Variants in RGL3 observed in about 807,000 individuals in gnomAD.
The protein encoded by RGL3 is ral guanine nucleotide dissociation stimulator like 3.
In RGL3, 85 loss-of-function variants were observed where a neutral mutation model predicts 90.6. That is an observed-to-expected ratio of 0.94 (90% CI 0.79 to 1.12). The LOEUF (loss-of-function observed/expected upper bound fraction) is 1.12. Among genes scored for constraint, RGL3 ranks in the 50% most tolerant of loss-of-function variants. RGL3 has a pLI of 0.00. For missense variants in RGL3, 1,034 were observed against 939.2 expected (o/e 1.10, Z -1.32); for synonymous variants, 408 against 385.5 (o/e 1.06, Z -0.68).
rs1221077250 is a variant in RGL3 at position 11,402,311 on chromosome 19, G to A, written c.1330-64C>T. 1.9e-6 allele frequency: 3 copies of A among 1,609,248 alleles called. No individual in the cohort carries two copies. The East Asian group carries it at 6.7e-5, about 36-fold the overall frequency. Reference sequence around the variant, plus strand: ...CAAGGGTCAAGGGTCAAGGTCAGGGGCTGGGATGTCAGGAGCCCCACTGTA... The same window carrying A: ...CAAGGGTCAAGGGTCAAGGTCAGGGACTGGGATGTCAGGAGCCCCACTGTA... On this transcript the variant is annotated intron_variant, in intron 11 of 18. Coordinates refer to ENST00000380456, the MANE Select transcript of RGL3 (RefSeq NM_001035223.4).
chr19:11,416,129 C>G lies in RGL3; in HGVS notation c.445G>C (p.Gly149Arg), dbSNP rs778079648. The change falls in exon 5 of 19, where the codon GGC becomes CGC. Residue 149 changes from glycine to arginine, a missense_variant. Transcript: ENST00000380456. ...KNLRAVVSVL[G>R]SWLQDHPQDF... ...TGAGGGTGGTCCTGCAGCCAGGAGC[C>G]CAGCACTGACACCACAGCCCTGGCC... 6.3e-7 allele frequency: 1 copy of G among 1,580,414 alleles called. No homozygotes were observed. Among genetic ancestry groups the G allele is most frequent in the Non-Finnish European group, 8.6e-7 (1 of 1,164,800 alleles).
At chr19:11,394,794 AG>A (rs1968536183) in intron 18 of RGL3, 6 of 367,814 alleles carry the variant, frequency 1.6e-5, no homozygotes, top group Non-Finnish European at 3.1e-5. Flanking sequence ...CTGCAGTAAA[AG>A]TTTGAGCAAA....
chr19:11,396,894 C>T (rs366720), intron 18 of RGL3, among the ~76,000 whole-genome samples: 33,801 of 151,454 alleles, frequency 0.22, 7,098 homozygotes, highest in African/African-American at 0.56. Flanking sequence ...TCTCAAACTC[C>T]TGACCTCAAG....
At position 11,397,490 on chromosome 19, in the gene RGL3, G is replaced by C. The variant is rs201757947; in HGVS notation, c.1854C>G (p.Arg618=). 6.2e-7 allele frequency: 1 copy of C among 1,613,630 alleles called. No individual in the cohort carries two copies. The highest frequency in any genetic ancestry group is 1.7e-5 in the Admixed American group (1 of 59,976). The change falls in exon 17 of 19, where the codon CGC becomes CGG. Residue 618 remains arginine, a synonymous_variant. Coordinates refer to ENST00000380456, the MANE Select transcript of RGL3 (RefSeq NM_001035223.4). ...AQQSSEARVI[R]VSIDNDHGNL... is the part of the protein sequence containing the mutation. Reference sequence around the variant, plus strand: ...TCCCGTGGTCATTGTCGATGCTGACGCGGATGACACGGGCCTCCGAGCTCT... The same window carrying C: ...TCCCGTGGTCATTGTCGATGCTGACCCGGATGACACGGGCCTCCGAGCTCT...
chr19:11,408,363 C>T (rs1166333986), intron 5 of RGL3, among the ~76,000 whole-genome samples: 2 of 152,064 alleles, frequency 1.3e-5, no homozygotes, highest in South Asian at 2.1e-4. Flanking sequence ...GGGTGGATCA[C>T]CTGAGGTCAG....
At chr19:11,411,166 G>A (rs1419097393) in intron 5 of RGL3, 2 of 125,900 alleles carry the variant, frequency 1.6e-5, no homozygotes, top group Non-Finnish European at 3.1e-5. Context: ...CCAAGATCAC[G>A]CCACTACCCT....
chr19:11,405,479 C>A, intron 7 of RGL3, 53 bp from the exon 8 acceptor site: 1 of 410,428 alleles, frequency 2.4e-6, no homozygotes, highest in South Asian at 2.2e-5. Flanking sequence ...ACCTTTCATC[C>A]TGAAACTTCT....
In RGL3 at chr19:11,417,766, CG is replaced by C. The variant is rs377146514; in HGVS notation, c.148-708del. ...ATTACAGGCGTGAGCCACCTCGCCC[CG>C]CCTGTAGCACCATTCTTTCATGTGA... On this transcript the variant is annotated intron_variant, in intron 2 of 18. Transcript: ENST00000380456. Among the ~76,000 whole-genome samples, 7 of 152,150 alleles carry C rather than the reference CG, an allele frequency of 4.6e-5. 1 individual carries two copies. The highest frequency in any genetic ancestry group is 1.4e-4 in the African/African-American group (6 of 41,500).
intron 5 of RGL3, among the ~76,000 whole-genome samples, chr19:11,407,121 G>C (rs1394250606): frequency 6.6e-6 from 1 of 152,016 alleles, no homozygotes; most frequent in Non-Finnish European, 1.5e-5. Context: ...GAGTAGCTGG[G>C]ATTACAGGCA....
chr19:11,394,150 G>A lies in RGL3; in HGVS notation c.*252C>T. 1 of 425,100 alleles carries A rather than the reference G, an allele frequency of 2.4e-6. No individual in the cohort carries two copies. The highest frequency in any genetic ancestry group is 3.1e-5 in the South Asian group (1 of 31,844). 26.3% of individuals were successfully genotyped at this position (425,100 alleles called of 1,614,324 possible). A position where few individuals can be genotyped will look rare whatever the true frequency, so the allele number is the denominator to read the frequency against. On this transcript the variant is annotated 3_prime_UTR_variant, in exon 19 of 19. Transcript: ENST00000380456. ...AGATTTCTCTGGGGAGGGATTTGAC[G>A]TATCCATGCCCCACCTCTTTCTACA...
Position 11,416,088 on chromosome 19 carries a change from G to C in RGL3, c.486C>G (p.His162Gln), listed in dbSNP as rs1360493521. The change falls in exon 5 of 19, where the codon CAC becomes CAG. Residue 162 changes from histidine (H) to glutamine (Q), a missense_variant. Transcript: ENST00000380456. ...CACTGCCCAGGTCCGAATGGGCAGG[G>C]TGGTCTCGGAAATCCTGAGGGTGGT... Reference protein sequence around the residue: ...LQDHPQDFRDHPAHSDLGSVR... With the variant: ...LQDHPQDFRDQPAHSDLGSVR... 6.2e-7 allele frequency: 1 copy of C among 1,609,342 alleles called. No homozygotes were observed. The highest frequency in any genetic ancestry group is 8.5e-7 in the Non-Finnish European group (1 of 1,178,238).
In RGL3 at chr19:11,400,044, A is replaced by T. The variant is rs758507741; in HGVS notation, c.1645T>A (p.Ser549Thr). The T allele has an allele frequency of 1.3e-5, 21 of 1,605,002 alleles. No homozygotes were observed. The South Asian group carries it at 2.3e-4, about 18-fold the overall frequency. The change falls in exon 15 of 19, where the codon TCC becomes ACC. Residue 549 changes from serine to threonine, a missense_variant. By Grantham distance (58) the Ser-to-Thr change is moderately conservative. Coordinates refer to ENST00000380456, the MANE Select transcript of RGL3 (RefSeq NM_001035223.4). ...GSPGDPSSPT[S>T]SVSPGSPPSS... ...ATCACCAAGCAGAATGCTCACCTGG[A>T]GGTGGGGGATGAGGGGTCCCCGGGA...
intron 4 of RGL3, 78 bp from the exon 5 acceptor site, chr19:11,416,226 T>C: frequency 8.7e-7 from 1 of 1,146,088 alleles, no homozygotes. Context: ...CTTTTTTTTT[T>C]TTTTTTTTTT....
At chr19:11,413,355 G>A (rs1968904440) in intron 5 of RGL3, among the ~76,000 whole-genome samples, 1 of 151,562 alleles carries the variant, frequency 6.6e-6, no homozygotes, top group Non-Finnish European at 1.5e-5. Context: ...GACCAACATA[G>A]TGAAACGCTG....
chr19:11,406,279 C>A, intron 7 of RGL3, 140 bp downstream of exon 7: 1 of 849,908 alleles, frequency 1.2e-6, no homozygotes. Flanking sequence ...CTCCCTGAAC[C>A]CAAGTCTCAC....
chr19:11,402,489 A>G lies in RGL3; in HGVS notation c.1295T>C (p.Val432Ala). The G allele has an allele frequency of 8.7e-6, 14 of 1,605,408 alleles. No homozygotes were observed. The highest frequency in any genetic ancestry group is 1.2e-5 in the Non-Finnish European group (14 of 1,176,806). Residue 432 changes from valine to alanine, a missense_variant, in exon 11 of 19, where the codon GTT becomes GCT. Physicochemically the swap from Val to Ala is moderately conservative, Grantham distance 64 (BLOSUM62 0). Transcript: ENST00000380456. ...PYLGTFLTDL[V>A]MLDTALPDML... ...ATCCGGCAGGGCTGTGTCCAGCATAACCAGGTCCGTAAGGAAGGTGCCAAG... is the reference window on the plus strand; with the variant it reads ...ATCCGGCAGGGCTGTGTCCAGCATAGCCAGGTCCGTAAGGAAGGTGCCAAG...
rs1968591579 is a variant in RGL3, at chr19:11,397,302, A to G, written c.1956T>C (p.Asn652=). ...SVVRRALQKH[N]VPQPWACDYQ... is the part of the protein sequence containing the mutation. The stretch of plus-strand genomic sequence containing the variant: ...AGTCACAGGCCCAGGGCTGGGGCAC[A>G]TTGTGCTTCTGCAAGGCTCGCCGGA... The change falls in exon 18 of 19, where the codon AAT becomes AAC. Residue 652 remains asparagine, a synonymous_variant. Coordinates refer to ENST00000380456, the MANE Select transcript of RGL3 (RefSeq NM_001035223.4). 2 of 1,612,908 alleles carry G rather than the reference A, an allele frequency of 1.2e-6. No homozygotes were observed. Among genetic ancestry groups the G allele is most frequent in the Non-Finnish European group, 1.7e-6 (2 of 1,179,564 alleles).
Position 11,402,002 on chromosome 19 carries a change from G to T in RGL3, c.1484+9C>A. On this transcript the variant is annotated intron_variant, in intron 13 of 18. Coordinates refer to ENST00000380456, the MANE Select transcript of RGL3 (RefSeq NM_001035223.4). ...GGGGTGGGGCTGGGACAGGCTACAGGGTGGTCACCTCTGCTCCTCGGTGAG... is the reference window on the plus strand; with the variant it reads ...GGGGTGGGGCTGGGACAGGCTACAGTGTGGTCACCTCTGCTCCTCGGTGAG... The T allele has an allele frequency of 6.5e-7, 1 of 1,533,764 alleles. No homozygotes were observed. Among genetic ancestry groups the T allele is most frequent in the Non-Finnish European group, 8.8e-7 (1 of 1,142,732 alleles).
rs1393333125 is a variant in RGL3, at chr19:11,405,354, G to T, written c.1069C>A (p.Arg357=). 4 of 1,612,502 alleles carry T rather than the reference G, an allele frequency of 2.5e-6. 1 individual carries two copies. The South Asian group carries it at 4.4e-5, about 18-fold the overall frequency. ...ACTGCCCCCCAGCTGCGCTTGAGCC[G>T]GTAGATGGGGTTAGATTGCAGGGCG... ...LSALQSNPIY[R]LKRSWGAVSR... The change falls in exon 8 of 19, where the codon CGG becomes AGG. Residue 357 remains arginine (R), a synonymous_variant. Coordinates refer to ENST00000380456, the MANE Select transcript of RGL3 (RefSeq NM_001035223.4).
Sources: allele counts gnomAD v4.1 joint callset (sites outside exome capture counted in the v4.1 genomes callset), GRCh38; gene constraint gnomAD v4.1.1; transcripts MANE v1.5; gene names NCBI Gene and HGNC (gene_info 2026-07-23, HGNC 2026-07-21).